The following EIF2S2 variants were observed in gnomAD, a reference collection of about 807,000 sequenced individuals.
EIF2S2 encodes the protein eukaryotic translation initiation factor 2 subunit 2.
EIF2S2 carries 4 observed loss-of-function variants against 44.0 expected under a neutral mutation model. The observed-to-expected ratio is 0.09, with a 90% confidence interval of 0.04 to 0.21. The LOEUF (loss-of-function observed/expected upper bound fraction) is 0.21. Ranked by LOEUF, EIF2S2 falls within the 10% of genes least tolerant of loss-of-function variation. The pLI is 1.00. For missense variants in EIF2S2, 154 were observed against 392.0 expected (o/e 0.39, Z 5.13); for synonymous variants, 108 against 128.3 (o/e 0.84, Z 1.07).
intron 6 of EIF2S2, among the ~76,000 whole-genome samples, chr20:34,096,097 C>A (rs1396372279): frequency 6.6e-6 from 1 of 152,150 alleles, no homozygotes; most frequent in Non-Finnish European, 1.5e-5. Context: ...GCAGGCCTAT[C>A]CTAGAGCAAC....
At chr20:34,103,768 G>A (rs1430098907) in intron 2 of EIF2S2, among the ~76,000 whole-genome samples, 2 of 151,580 alleles carry the variant, frequency 1.3e-5, no homozygotes, top group East Asian at 1.9e-4. Flanking sequence ...GGGCAGTGGC[G>A]CAATCTCAGC....
At chr20:34,101,667 G>A (rs865809247) in intron 3 of EIF2S2, among the ~76,000 whole-genome samples, 1 of 148,622 alleles carries the variant, frequency 6.7e-6, no homozygotes, top group South Asian at 2.2e-4. Flanking sequence ...ACAGCAAAAA[G>A]TATTTTTCTT....
chr20:34,111,939 C>G (rs1442900986), intron 1 of EIF2S2, among the ~76,000 whole-genome samples, 157 bp downstream of exon 1: 1 of 152,246 alleles, frequency 6.6e-6, no homozygotes, highest in Non-Finnish European at 1.5e-5. Flanking sequence ...CCTGCGGCTC[C>G]GGAGTCCTCG....
At chr20:34,097,694 A>T (rs1446283891) in intron 4 of EIF2S2, among the ~76,000 whole-genome samples, 178 bp from the exon 5 acceptor site, 3 of 152,254 alleles carry the variant, frequency 2.0e-5, no homozygotes, top group Non-Finnish European at 4.4e-5. Context: ...AGAAACAGGG[A>T]TGTTATGACT....
intron 8 of EIF2S2, 141 bp from the exon 9 acceptor site, chr20:34,090,046 T>C (rs1290201514): frequency 1.2e-6 from 1 of 849,032 alleles, no homozygotes; most frequent in Non-Finnish European, 1.8e-6. Flanking sequence ...GAAGCGCAGC[T>C]ATTCGAGGGG....
chr20:34,107,334 G>A (rs144237465), intron 1 of EIF2S2, among the ~76,000 whole-genome samples: 26 of 152,266 alleles, frequency 1.7e-4, no homozygotes, highest in African/African-American at 5.5e-4. Context: ...TGTGGACAGC[G>A]TTAATAGTAA....
At chr20:34,090,261 T>C (rs1257303345) in intron 8 of EIF2S2, among the ~76,000 whole-genome samples, 1 of 152,248 alleles carries the variant, frequency 6.6e-6, no homozygotes, top group African/African-American at 2.4e-5. Flanking sequence ...CACAGGCAAG[T>C]TTCTCTGACT....
intron 7 of EIF2S2, among the ~76,000 whole-genome samples, chr20:34,092,609 G>A (rs1405628369): frequency 6.6e-6 from 1 of 152,210 alleles, no homozygotes; most frequent in African/African-American, 2.4e-5. Flanking sequence ...CAGGCTTGCA[G>A]TGAGCCGAGA....
At chr20:34,112,009 C>T (rs370745009) in intron 1 of EIF2S2, 87 bp downstream of exon 1, 73 of 1,286,796 alleles carry the variant, frequency 5.7e-5, no homozygotes, top group African/African-American at 2.5e-4. Flanking sequence ...CGGCCGGCTG[C>T]TAGGCCGCAG....
At chr20:34,111,739 T>TG in intron 1 of EIF2S2, among the ~76,000 whole-genome samples, 1 of 152,220 alleles carries the variant, frequency 6.6e-6, no homozygotes, top group East Asian at 1.9e-4. Context: ...TGAGGCGAGC[T>TG]GGGGCGGCAG....
chr20:34,111,913 G>T (rs1387818379), intron 1 of EIF2S2, among the ~76,000 whole-genome samples, 183 bp downstream of exon 1: 1 of 152,248 alleles, frequency 6.6e-6, no homozygotes, highest in African/African-American at 2.4e-5. Context: ...CCTGAGGAAA[G>T]CGGGCTGCGG....
intron 7 of EIF2S2, 148 bp from the exon 8 acceptor site, chr20:34,090,750 AATTT>A: frequency 2.2e-6 from 1 of 464,226 alleles, no homozygotes; most frequent in East Asian, 3.6e-5. Context: ...GGTTTCCCAA[AATTT>A]ATTTATTTAT....
chr20:34,094,383 CT>C (rs1363849659), intron 6 of EIF2S2, among the ~76,000 whole-genome samples: 2 of 152,060 alleles, frequency 1.3e-5, no homozygotes, highest in Non-Finnish European at 2.9e-5. Context: ...CCACCTTTTT[CT>C]TTTGTTTTTG....
rs1452819643 is a variant in EIF2S2 at position 34,112,159 on chromosome 20, G to C, written c.-49C>G. On this transcript the variant is annotated 5_prime_UTR_variant, in exon 1 of 9. Coordinates refer to ENST00000374980, the MANE Select transcript of EIF2S2 (RefSeq NM_003908.5). The stretch of plus-strand genomic sequence containing the variant: ...CACGGACGGGAAGTCAGACGGGTCA[G>C]CCCCAGGCCCCGGCGGCAGCGCTGC... The C allele has an allele frequency of 4.6e-6, 7 of 1,507,796 alleles. No homozygotes were observed. In the African/African-American group the frequency reaches 9.7e-5, roughly 21 times the overall value. The allele number at this position is 1,507,796 out of a possible 1,614,324, so 93.4% of individuals were successfully genotyped here. A position where few individuals can be genotyped will look rare whatever the true frequency, so the allele number is the denominator to read the frequency against.
At chr20:34,098,343 A>T (rs193143865) in intron 4 of EIF2S2, among the ~76,000 whole-genome samples, 155 bp downstream of exon 4, 51 of 152,234 alleles carry the variant, frequency 3.4e-4, no homozygotes, top group African/African-American at 1.2e-3. Flanking sequence ...AACTGCCATT[A>T]TCAAGCCAAA....
At chr20:34,091,739 T>C (rs2034165987) in intron 7 of EIF2S2, among the ~76,000 whole-genome samples, 1 of 130,202 alleles carries the variant, frequency 7.7e-6, no homozygotes, top group Non-Finnish European at 1.6e-5. Context: ...AAAAACCCCA[T>C]TGGATTGTAT....
chr20:34,101,739 A>G (rs940601577), intron 3 of EIF2S2, among the ~76,000 whole-genome samples: 2 of 143,352 alleles, frequency 1.4e-5, no homozygotes, highest in African/African-American at 5.3e-5. Flanking sequence ...CAGTGGCGCT[A>G]TCTCAGCTTA....
intron 6 of EIF2S2, 99 bp downstream of exon 6, chr20:34,096,558 T>C (rs1268061497): frequency 2.4e-6 from 3 of 1,260,266 alleles, no homozygotes; most frequent in Non-Finnish European, 2.2e-6. Context: ...GTGTGTTCTT[T>C]CCATCTATAA....
chr20:34,106,909 C>T (rs958761433), intron 1 of EIF2S2, among the ~76,000 whole-genome samples: 1 of 152,130 alleles, frequency 6.6e-6, no homozygotes, highest in Admixed American at 6.5e-5. Context: ...AGGCTGGGTG[C>T]GGTGGCTCAC....
Sources: allele counts gnomAD v4.1 joint callset (sites outside exome capture counted in the v4.1 genomes callset), GRCh38; gene constraint gnomAD v4.1.1; transcripts MANE v1.5; gene names NCBI Gene and HGNC (gene_info 2026-07-23, HGNC 2026-07-21).